Variants in PCSK6 observed in about 807,000 individuals in gnomAD.
PCSK6 encodes proprotein convertase subtilisin/kexin type 6, also known as paired basic amino acid cleaving enzyme 4.
In PCSK6, 85 loss-of-function variants were observed where a neutral mutation model predicts 123.3. The ratio of observed to expected loss-of-function variants is 0.69; its 90% CI spans 0.58 to 0.83. The LOEUF (loss-of-function observed/expected upper bound fraction) is 0.83. PCSK6 is among the 40% of genes least tolerant of loss of function. The pLI is 0.00. For missense variants in PCSK6, 1,191 were observed against 1,282.3 expected, an observed-to-expected ratio of 0.93 and a Z score of 1.09; for synonymous variants, 508 against 516.0, an observed-to-expected ratio of 0.98 and a Z score of 0.21.
chr15:101,400,600 C>T (rs1230699793), intron 6 of PCSK6, among the ~76,000 whole-genome samples: 1 of 152,306 alleles, frequency 6.6e-6, no homozygotes, highest in East Asian at 1.9e-4. Context: ...TGACACCCTC[C>T]CTAGGTGCTC....
chr15:101,452,765 G>A (rs1054750965), intron 1 of PCSK6, among the ~76,000 whole-genome samples: 1 of 152,040 alleles, frequency 6.6e-6, no homozygotes, highest in East Asian at 1.9e-4. Context: ...ACAGAGCACA[G>A]ATGGAACATG....
chr15:101,471,707 T>C (rs2057608403), intron 1 of PCSK6, among the ~76,000 whole-genome samples: 1 of 152,246 alleles, frequency 6.6e-6, no homozygotes, highest in Non-Finnish European at 1.5e-5. Context: ...TGGATAAATG[T>C]ACACACTTGT....
intron 7 of PCSK6, among the ~76,000 whole-genome samples, chr15:101,396,517 T>C (rs1216652243): frequency 6.6e-6 from 1 of 150,896 alleles, no homozygotes; most frequent in Admixed American, 6.6e-5. Flanking sequence ...ACCCACCCTC[T>C]CCGAAGCTTA....
intron 1 of PCSK6, among the ~76,000 whole-genome samples, chr15:101,467,559 C>T (rs1037915698): frequency 6.6e-5 from 10 of 152,178 alleles, no homozygotes; most frequent in Admixed American, 2.6e-4. Context: ...AGGCATGAGC[C>T]ACCACGACTG....
intron 12 of PCSK6, among the ~76,000 whole-genome samples, chr15:101,368,191 C>G (rs1323205653): frequency 6.6e-6 from 1 of 152,166 alleles, no homozygotes; most frequent in African/African-American, 2.4e-5. Flanking sequence ...ATAGGCCTGG[C>G]AGGACCTGCC....
At chr15:101,427,211 G>A (rs1487419405) in intron 6 of PCSK6, among the ~76,000 whole-genome samples, 1 of 152,182 alleles carries the variant, frequency 6.6e-6, no homozygotes, top group Non-Finnish European at 1.5e-5. Context: ...CGCGGGGCAG[G>A]GGCGGCTGCT....
At chr15:101,339,860 G>A (rs1050647644) in intron 13 of PCSK6, among the ~76,000 whole-genome samples, 4 of 151,834 alleles carry the variant, frequency 2.6e-5, no homozygotes, top group Admixed American at 6.6e-5. Flanking sequence ...GCAGTGAGCC[G>A]TGATTGCACA....
chr15:101,393,279 T>C lies in PCSK6; in HGVS notation c.1142A>G (p.Tyr381Cys). The C allele has an allele frequency of 6.2e-7, 1 of 1,613,530 alleles. No homozygotes were observed. Among genetic ancestry groups the C allele is most frequent in the Non-Finnish European group, 8.5e-7 (1 of 1,179,834 alleles). ...CAGGGTGGAGGCACACTCTTCCAGG[T>C]ACCAGGGCTTGTAGCCATTCTCGGT... Reference protein sequence around the residue: ...SATENGYKPWYLEECASTLAT... With the variant: ...SATENGYKPWCLEECASTLAT... The change falls in exon 8 of 22, where the codon TAC (tyrosine) becomes TGC (cysteine). Residue 381 changes from tyrosine (Y) to cysteine (C), a missense_variant. Physicochemically the swap from Tyr to Cys is radical, Grantham distance 194 (BLOSUM62 -2). Coordinates refer to ENST00000611716, the MANE Select transcript of PCSK6 (RefSeq NM_002570.5).
At chr15:101,310,622 A>C (rs2039834095) in intron 20 of PCSK6, among the ~76,000 whole-genome samples, 1 of 152,170 alleles carries the variant, frequency 6.6e-6, no homozygotes, top group South Asian at 2.1e-4. Flanking sequence ...AGTTTCCTCC[A>C]TTACAGCAAC....
At chr15:101,409,722 A>C (rs12901252) in intron 6 of PCSK6, among the ~76,000 whole-genome samples, 33,724 of 152,076 alleles carry the variant, frequency 0.22, 4,160 homozygotes, top group East Asian at 0.35. Flanking sequence ...GAAGCCTGGT[A>C]AAGTTAAAGG....
chr15:101,399,739 G>A (rs1425565487), intron 6 of PCSK6, among the ~76,000 whole-genome samples: 2 of 152,022 alleles, frequency 1.3e-5, no homozygotes, highest in African/African-American at 4.8e-5. Context: ...ACAGAAAGTC[G>A]ACTTCTCTGG....
At position 101,305,762 on chromosome 15, in the gene PCSK6, G is replaced by T; in HGVS notation, c.2813-407C>A. On this transcript the variant is annotated intron_variant, in intron 21 of 21. Transcript: ENST00000611716. The surrounding 1 kb of genome is among the most constrained non-coding windows in gnomAD (Gnocchi z 4.8). The stretch of plus-strand genomic sequence containing the variant: ...ATATTGTTTCAATCATTCCACATAT[G>T]CTGGGCATCAGTGGTGCCCTGGGCA... 6.0e-6 allele frequency: 1 copy of T among 166,220 alleles called. No individual in the cohort carries two copies. The allele number at this position is 166,220 out of a possible 1,614,324, so 10.3% of individuals were successfully genotyped here.
intron 9 of PCSK6, among the ~76,000 whole-genome samples, chr15:101,386,733 G>A (rs1001333793): frequency 3.3e-5 from 5 of 152,112 alleles, no homozygotes; most frequent in African/African-American, 7.2e-5. Context: ...TGATCTCTTC[G>A]TCCATCATGG....
At chr15:101,322,091 G>A (rs2040137943) in intron 18 of PCSK6, among the ~76,000 whole-genome samples, 1 of 152,196 alleles carries the variant, frequency 6.6e-6, no homozygotes, top group Admixed American at 6.5e-5. Flanking sequence ...AACGTAAAGA[G>A]CACCCTCAGG....
chr15:101,454,683 G>C (rs1284938903), intron 1 of PCSK6, among the ~76,000 whole-genome samples: 1 of 152,158 alleles, frequency 6.6e-6, no homozygotes, highest in South Asian at 2.1e-4. Context: ...GCTTCTGCCT[G>C]TAATTCCAGC....
Position 101,398,583 on chromosome 15 carries a change from G to C in PCSK6, c.824-7C>G. On this transcript the variant is annotated splice_polypyrimidine_tract_variant and splice_region_variant and intron_variant, in intron 6 of 21. Coordinates refer to ENST00000611716, the MANE Select transcript of PCSK6 (RefSeq NM_002570.5). This position sits in a 1 kb window ranked among gnomAD's most constrained non-coding sequence, Gnocchi z 4.6. ...CCGTCCAGCATGCGGATGCCTGAAA[G>C]CACAGAGGAGGCTCGGTGTCGGCGC... 1.9e-6 allele frequency: 3 copies of C among 1,606,680 alleles called. No individual in the cohort carries two copies. The highest frequency in any genetic ancestry group is 2.6e-6 in the Non-Finnish European group (3 of 1,175,534).
intron 2 of PCSK6, among the ~76,000 whole-genome samples, chr15:101,432,474 A>G (rs1376792776): frequency 6.6e-6 from 1 of 151,782 alleles, no homozygotes; most frequent in East Asian, 1.9e-4. Context: ...AAAAAAAAAA[A>G]AAAATCTAGC....
intron 11 of PCSK6, among the ~76,000 whole-genome samples, chr15:101,376,964 G>C (rs1005800136): frequency 6.6e-6 from 1 of 152,218 alleles, no homozygotes; most frequent in Non-Finnish European, 1.5e-5. Context: ...GGAGAGGCTG[G>C]GTAAGGTGAG....
intron 1 of PCSK6, among the ~76,000 whole-genome samples, chr15:101,451,448 G>GCCAGC (rs2057032717): frequency 6.6e-6 from 1 of 152,066 alleles, no homozygotes; most frequent in Non-Finnish European, 1.5e-5. Context: ...ACCTCCCCAG[G>GCCAGC]CCAGCCCAGC....
Sources: allele counts gnomAD v4.1 joint callset (sites outside exome capture counted in the v4.1 genomes callset), GRCh38; gene constraint gnomAD v4.1.1; non-coding constraint Gnocchi (gnomAD v3.1); transcripts MANE v1.5; gene names NCBI Gene and HGNC (gene_info 2026-07-23, HGNC 2026-07-21).